GALNT13: variants seen among roughly 807,000 people sequenced by gnomAD.
The protein encoded by GALNT13 is polypeptide N-acetylgalactosaminyltransferase 13.
In GALNT13, 28 loss-of-function variants were observed where a neutral mutation model predicts 64.2. The observed-to-expected ratio is 0.44, with a 90% CI of 0.32 to 0.60. GALNT13 has a LOEUF of 0.60. Among genes scored for constraint, GALNT13 ranks in the 20% least tolerant of loss-of-function variants. The pLI, the probability that GALNT13 is intolerant of heterozygous loss-of-function variation, is 0.05. For synonymous variants in GALNT13, 214 were observed against 224.6 expected, an observed-to-expected ratio of 0.95 and a Z score of 0.42; for missense variants, 577 against 669.8, an observed-to-expected ratio of 0.86 and a Z score of 1.53.
At chr2:154,189,483 A>C (rs1345629842) in intron 4 of GALNT13, among the ~76,000 whole-genome samples, 1 of 151,164 alleles carries the variant, frequency 6.6e-6, no homozygotes, top group African/African-American at 2.4e-5. Context: ...AAAAAAAAAA[A>C]AAAAAAAAAA....
intron 9 of GALNT13, among the ~76,000 whole-genome samples, chr2:154,393,469 T>C (rs776755612): frequency 2.9e-4 from 44 of 152,162 alleles, no homozygotes; most frequent in Admixed American, 1.8e-3. Context: ...GAGGAGTACA[T>C]GGAGTGTTTG....
At chr2:153,569,106 T>A in the GALNT13 span, among the ~76,000 whole-genome samples, 1 of 152,146 alleles carries the variant, frequency 6.6e-6, no homozygotes, top group Non-Finnish European at 1.5e-5. Context: ...ATAGGTTTTT[T>A]TGGGGGGTAC....
the GALNT13 span, among the ~76,000 whole-genome samples, chr2:153,079,419 T>C: frequency 2.0e-5 from 3 of 152,202 alleles, no homozygotes; most frequent in African/African-American, 7.2e-5. Context: ...GGAAGTATTT[T>C]GATTTTTTTT....
chr2:154,136,587 C>T (rs1387642921), intron 3 of GALNT13, among the ~76,000 whole-genome samples: 1 of 152,008 alleles, frequency 6.6e-6, no homozygotes. Context: ...ATAATATGAT[C>T]ATCTTCTTTA....
chr2:154,157,970 C>A (rs564629435), intron 4 of GALNT13, among the ~76,000 whole-genome samples: 1 of 152,128 alleles, frequency 6.6e-6, no homozygotes, highest in Non-Finnish European at 1.5e-5. Context: ...TACCTTTTCA[C>A]CCTAACCCCA....
At chr2:153,518,953 T>C in the GALNT13 span, among the ~76,000 whole-genome samples, 5 of 152,326 alleles carry the variant, frequency 3.3e-5, no homozygotes, top group African/African-American at 7.2e-5. Context: ...ATAAGACATA[T>C]GCTAGCCAGA....
At chr2:153,357,034 T>A in the GALNT13 span, among the ~76,000 whole-genome samples, 2,082 of 152,196 alleles carry the variant, frequency 0.014, 52 homozygotes, top group African/African-American at 0.047. Context: ...GGTCTCGATC[T>A]CCTGATCTCT....
At chr2:154,204,154 C>T (rs1026820573) in intron 4 of GALNT13, among the ~76,000 whole-genome samples, 1 of 152,124 alleles carries the variant, frequency 6.6e-6, no homozygotes, top group African/African-American at 2.4e-5. Context: ...TCCTGGACTG[C>T]CTCCTCATTA....
intron 3 of GALNT13, among the ~76,000 whole-genome samples, chr2:154,007,356 G>A (rs1696326803): frequency 6.6e-6 from 1 of 151,426 alleles, no homozygotes; most frequent in Non-Finnish European, 1.5e-5. Flanking sequence ...CTTGATTTTG[G>A]TTTTGTGAGC....
At chr2:154,020,316 A>G (rs1213533059) in intron 3 of GALNT13, among the ~76,000 whole-genome samples, 1 of 152,194 alleles carries the variant, frequency 6.6e-6, no homozygotes, top group Non-Finnish European at 1.5e-5. Flanking sequence ...AGTCTCACCA[A>G]CAGTGTAAAA....
At chr2:153,451,867 G>T in the GALNT13 span, among the ~76,000 whole-genome samples, 1 of 152,212 alleles carries the variant, frequency 6.6e-6, no homozygotes, top group South Asian at 2.1e-4. Context: ...GCAGGCTCAT[G>T]AAGCAGCTAG....
the GALNT13 span, among the ~76,000 whole-genome samples, chr2:153,858,713 G>T: frequency 1.3e-5 from 2 of 151,836 alleles, no homozygotes; most frequent in African/African-American, 2.4e-5. Context: ...TAGTTTATAG[G>T]TTTTTTTATT....
chr2:153,559,510 T>C, the GALNT13 span, among the ~76,000 whole-genome samples: 24 of 152,254 alleles, frequency 1.6e-4, no homozygotes, highest in African/African-American at 2.9e-4. Flanking sequence ...CAGAGAGGAC[T>C]GGACTGATAT....
the GALNT13 span, among the ~76,000 whole-genome samples, chr2:153,072,519 C>T: frequency 1.3e-5 from 2 of 152,182 alleles, no homozygotes; most frequent in Admixed American, 1.3e-4. Flanking sequence ...AGCGGTACTT[C>T]TCCCTAAAAT....
At chr2:153,185,992 T>C in the GALNT13 span, among the ~76,000 whole-genome samples, 1 of 152,036 alleles carries the variant, frequency 6.6e-6, no homozygotes, top group African/African-American at 2.4e-5. Context: ...TCCAGAGCTG[T>C]GATCAGGTCC....
intron 11 of GALNT13, among the ~76,000 whole-genome samples, chr2:154,426,200 A>G (rs1489031718): frequency 1.3e-5 from 2 of 152,074 alleles, no homozygotes; most frequent in Admixed American, 6.5e-5. Flanking sequence ...CTGACTTCCT[A>G]TCTTTCTTTG....
the GALNT13 span, chr2:153,478,665 T>A: frequency 1.3e-5 from 13 of 992,794 alleles, no homozygotes; most frequent in Non-Finnish European, 1.9e-5. Flanking sequence ...ACTCGCAGAC[T>A]AGCGCGTGCG....
At chr2:153,276,660 A>G in the GALNT13 span, among the ~76,000 whole-genome samples, 26 of 151,808 alleles carry the variant, frequency 1.7e-4, no homozygotes, top group Non-Finnish European at 2.9e-4. Context: ...GTTTCTGATG[A>G]CTAAGTTGAG....
the GALNT13 span, among the ~76,000 whole-genome samples, chr2:153,861,056 C>T: frequency 1.3e-5 from 2 of 152,136 alleles, no homozygotes; most frequent in Non-Finnish European, 2.9e-5. Flanking sequence ...GTTTTCCCCA[C>T]AGCAAGGAGC....
Sources: gnomAD v4.1 joint callset for allele counts (sites outside exome capture counted in the v4.1 genomes callset) on GRCh38, gnomAD v4.1.1 for gene constraint, MANE v1.5 for transcripts, NCBI Gene and HGNC (gene_info 2026-07-23, HGNC 2026-07-21) for gene names.